The following TTN variants were observed in gnomAD, a reference collection of about 807,000 sequenced individuals.
The protein encoded by TTN is titin.
Under a neutral mutation model 3,223.0 loss-of-function variants are expected in TTN, and 1,525 were observed. The observed-to-expected ratio is 0.47, with a 90% CI of 0.45 to 0.49. The LOEUF is 0.49. Among genes scored for constraint, TTN ranks in the 20% least tolerant of loss-of-function variants. The probability of loss-of-function intolerance (pLI) is 0.00; values close to 1 mark genes in which losing one functional copy is unlikely to be tolerated. For synonymous variants in TTN, 14,094 were observed against 15,161.0 expected, an observed-to-expected ratio of 0.93 and a Z score of 5.17; for missense variants, 40,786 against 43,424.0, an observed-to-expected ratio of 0.94 and a Z score of 5.40.
Position 178,774,418 on chromosome 2 carries a change from A to C in TTN, c.6846T>G (p.Tyr2282Ter). ...ELQDIEVPES[Y>*]SGELECIVSP... ...ATACAATGCACTCTAATTCTCCTGAATATGATTCTGGAACTTCTATGTCCT... is the reference window on the plus strand; with the variant it reads ...ATACAATGCACTCTAATTCTCCTGACTATGATTCTGGAACTTCTATGTCCT... The change falls in exon 30 of 363, where the codon TAT (tyrosine) becomes TAG (stop). Residue 2282 changes from tyrosine (Y) to a stop codon, truncating the protein, a stop_gained. Transcript: ENST00000589042. LOFTEE classifies it high-confidence loss of function. 1 of 1,613,856 alleles carries C rather than the reference A, an allele frequency of 6.2e-7. No homozygotes were observed. Among genetic ancestry groups the C allele is most frequent in the Non-Finnish European group, 8.5e-7 (1 of 1,179,938 alleles).
At chr2:178,749,131 G>GTTCA in intron 47 of TTN, 3 of 1,612,706 alleles carry the variant, frequency 1.9e-6, no homozygotes, top group Non-Finnish European at 2.5e-6. Flanking sequence ...TTCTCTCAGA[G>GTTCA]TGAATATTTG....
chr2:178,694,057 C>G, intron 117 of TTN, 49 bp from the exon 118 acceptor site: 3 of 1,424,618 alleles, frequency 2.1e-6, no homozygotes, highest in Non-Finnish European at 2.9e-6. Context: ...TAGTACAAGA[C>G]ATCAGATCAA....
chr2:178,581,986 A>G lies in TTN; in HGVS notation c.66383T>C (p.Phe22128Ser), dbSNP rs2047881254. The change falls in exon 315 of 363, where the codon TTC (phenylalanine) becomes TCC (serine). Residue 22128 changes from phenylalanine to serine, a missense_variant. By Grantham distance (155) the Phe-to-Ser change is radical. Transcript: ENST00000589042. ...TGLQEGTEYE[F>S]RVTAINKAGP... ...AGCTTTATTTATAGCTGTAACACGG[A>G]ACTCATATTCGGTACCTTCTTGAAG... 1.2e-6 allele frequency: 2 copies of G among 1,613,256 alleles called. No homozygotes were observed. Among genetic ancestry groups the G allele is most frequent in the Non-Finnish European group, 1.7e-6 (2 of 1,179,498 alleles).
chr2:178,789,317 G>A, intron 13 of TTN, 43 bp downstream of exon 13: 3 of 1,609,136 alleles, frequency 1.9e-6, no homozygotes, highest in South Asian at 1.1e-5. Context: ...TGGTATTAAT[G>A]TATTATAATA....
At chr2:178,778,269 A>G in intron 24 of TTN, 2 of 388,366 alleles carry the variant, frequency 5.1e-6, no homozygotes, top group South Asian at 2.9e-5. Flanking sequence ...CTTGGATTTA[A>G]TCAGTCACTA....
rs772995909 is a variant in TTN at position 178,731,734 on chromosome 2, T to C, written c.17141A>G (p.Glu5714Gly). 1.2e-6 allele frequency: 2 copies of C among 1,613,616 alleles called. No individual in the cohort carries two copies. The highest frequency in any genetic ancestry group is 2.2e-5 in the East Asian group (1 of 44,854). The change falls in exon 58 of 363, where the codon GAG becomes GGG. Residue 5714 changes from glutamate (E) to glycine (G), a missense_variant. Glu to Gly is a moderately conservative substitution (Grantham distance 98). Coordinates refer to ENST00000589042, the MANE Select transcript of TTN (RefSeq NM_001267550.2). ...GGCACTGCAGATGCTGCTGCCCACC[T>C]CATTGGTCACCCGACACTGGTATTC... ...AGEYQCRVTN[E>G]VGSSICSARV... is the part of the protein sequence containing the mutation.
intron 89 of TTN, 83 bp from the exon 90 acceptor site, chr2:178,715,347 GAGAT>G (rs1217535226): frequency 1.3e-6 from 2 of 1,506,292 alleles, no homozygotes; most frequent in African/African-American, 2.8e-5. Flanking sequence ...CTCCATCAGA[GAGAT>G]AGAGAGTGAA....
intron 8 of TTN, 38 bp downstream of exon 8, chr2:178,794,361 G>T (rs112665402): frequency 6.2e-7 from 1 of 1,613,092 alleles, no homozygotes; most frequent in South Asian, 1.1e-5. Flanking sequence ...ACTGAAGGAC[G>T]TGGCTCTGCG....
intron 1 of TTN, among the ~76,000 whole-genome samples, chr2:178,804,924 G>T (rs1227685817): frequency 1.3e-5 from 2 of 152,134 alleles, no homozygotes; most frequent in Non-Finnish European, 2.9e-5. Flanking sequence ...GAACCCTAGT[G>T]GTCAAAGAGG....
chr2:178,703,719 CA>C (rs898500249), intron 106 of TTN, among the ~76,000 whole-genome samples: 1 of 152,120 alleles, frequency 6.6e-6, no homozygotes, highest in African/African-American at 2.4e-5. Flanking sequence ...TTGCACATGA[CA>C]TGTTTATGTT....
rs748412838 is a variant in TTN, at chr2:178,570,974, C to G, written c.75158G>C (p.Trp25053Ser). Residue 25053 changes from tryptophan (W) to serine (S), a missense_variant, in exon 326 of 363, where the codon TGG (tryptophan) becomes TCG (serine). Transcript: ENST00000589042. Reference sequence around the variant, plus strand: ...AATATTTGTAAAACTGGCTTTCATCCAACGGCCCTCAGGTAATTCTTTCTT... The same window carrying G: ...AATATTTGTAAAACTGGCTTTCATCGAACGGCCCTCAGGTAATTCTTTCTT... The part of the protein sequence containing the change: ...VEKKELPEGR[W>S]MKASFTNIID... 40 of 1,613,376 alleles carry G rather than the reference C, an allele frequency of 2.5e-5. No homozygotes were observed. Among genetic ancestry groups the G allele is most frequent in the Non-Finnish European group, 3.3e-5 (39 of 1,179,610 alleles).
Position 178,664,541 on chromosome 2 carries a change from T to C in TTN, c.36203-4A>G, listed in dbSNP as rs1318111228. 6.2e-7 allele frequency: 1 copy of C among 1,609,434 alleles called. No individual in the cohort carries two copies. Among genetic ancestry groups the C allele is most frequent in the Admixed American group, 1.7e-5 (1 of 59,444 alleles). The stretch of plus-strand genomic sequence containing the variant: ...ACTTCTCTGAGAGCCTCCGGCACTT[T>C]GAAGATATTAATAATTTTACATTTA... On this transcript the variant is annotated splice_region_variant and splice_polypyrimidine_tract_variant and intron_variant, in intron 167 of 362. Coordinates refer to ENST00000589042, the MANE Select transcript of TTN (RefSeq NM_001267550.2).
rs186018294 is a variant in TTN, at chr2:178,782,208, A to T, written c.3380+4T>A. The T allele has an allele frequency of 3.1e-6, 5 of 1,614,104 alleles. No homozygotes were observed. The highest frequency in any genetic ancestry group is 4.2e-6 in the Non-Finnish European group (5 of 1,179,970). On this transcript the variant is annotated splice_donor_region_variant and intron_variant, in intron 20 of 362. Coordinates refer to ENST00000589042, the MANE Select transcript of TTN (RefSeq NM_001267550.2). ...GAGAACTCTATATTCAGCCATCAAA[A>T]TACCTGTATCCAGTGGTTAGAGGAA...
Position 178,539,185 on chromosome 2 carries a change from G to A in TTN, c.98750C>T (p.Ser32917Phe), listed in dbSNP as rs561932256. Residue 32917 changes from serine (S) to phenylalanine (F), a missense_variant, in exon 353 of 363, where the codon TCC becomes TTC. Ser to Phe is a radical substitution (Grantham distance 155, BLOSUM62 -2). Transcript: ENST00000589042. Reference sequence around the variant, plus strand: ...ACCATCATCTTTGGGCCGGGACCAGGACAAGCTAACAGAACTCTTGGTTAC... The same window carrying A: ...ACCATCATCTTTGGGCCGGGACCAGAACAAGCTAACAGAACTCTTGGTTAC... ...LDVTKSSVSL[S>F]WSRPKDDGGS... 28 of 1,613,782 alleles carry A rather than the reference G, an allele frequency of 1.7e-5. No individual in the cohort carries two copies. In the African/African-American group the frequency reaches 1.9e-4, roughly 11 times the overall value.
chr2:178,696,335 A>C lies in TTN; in HGVS notation c.30803-66T>G, dbSNP rs2073703448. On this transcript the variant is annotated intron_variant, in intron 113 of 362. Transcript: ENST00000589042. ...CATCCAACTGCTTCACTAAACAAAAATCTACCTAGTTAAACAACATCAGTA... is the reference window on the plus strand; with the variant it reads ...CATCCAACTGCTTCACTAAACAAAACTCTACCTAGTTAAACAACATCAGTA... The C allele has an allele frequency of 2.3e-6, 3 of 1,307,970 alleles. No individual in the cohort carries two copies. The Admixed American group carries it at 9.2e-5, about 40-fold the overall frequency. 81.0% of individuals were successfully genotyped at this position (1,307,970 alleles called of 1,614,324 possible). A position where few individuals can be genotyped will look rare whatever the true frequency, so the allele number is the denominator to read the frequency against.
rs2056473624 is a variant in TTN, at chr2:178,612,267, A to G, written c.50248+10T>C. 2 of 1,611,492 alleles carry G rather than the reference A, an allele frequency of 1.2e-6. No individual in the cohort carries two copies. The highest frequency in any genetic ancestry group is 1.1e-5 in the South Asian group (1 of 90,722). On this transcript the variant is annotated intron_variant, in intron 266 of 362. Coordinates refer to ENST00000589042, the MANE Select transcript of TTN (RefSeq NM_001267550.2). ...ACTTATTGTCACAAAGATTAAGTGC[A>G]AGAGCATACTAAAGGTGTCTTTGGC... is the stretch of plus-strand genomic sequence containing the variant.
Position 178,539,263 on chromosome 2 carries a change from A to G in TTN, c.98684-12T>C, listed in dbSNP as rs752771741. ...AGGTTCTGGAGGATCTGTAAATATA[A>G]GTGGAAAGCACACATGTATTAGAAT... On this transcript the variant is annotated splice_polypyrimidine_tract_variant and intron_variant, in intron 352 of 362. Transcript: ENST00000589042. 23 of 1,611,250 alleles carry G rather than the reference A, an allele frequency of 1.4e-5. No individual in the cohort carries two copies. Among genetic ancestry groups the G allele is most frequent in the Middle Eastern group, 1.6e-4 (1 of 6,068 alleles).
chr2:178,535,672 C>G lies in TTN; in HGVS notation c.100943G>C (p.Arg33648Thr). 1.2e-6 allele frequency: 2 copies of G among 1,613,804 alleles called. No homozygotes were observed. Among genetic ancestry groups the G allele is most frequent in the Non-Finnish European group, 1.7e-6 (2 of 1,179,786 alleles). Residue 33648 changes from arginine (R) to threonine (T), a missense_variant, in exon 358 of 363, where the codon AGA (arginine) becomes ACA (threonine). By Grantham distance (71) the Arg-to-Thr change is moderately conservative. Transcript: ENST00000589042. ...GGGGAAAACAAGTGATGTGAAGGAT[C>G]TTGTGACAATAACTTGGTAGTGGCC... Reference protein sequence around the residue: ...NNGHYQVIVTRSFTSLVFPNG... With the variant: ...NNGHYQVIVTTSFTSLVFPNG...
In TTN at chr2:178,705,222, T is replaced by C. The variant is rs1306389058; in HGVS notation, c.29556A>G (p.Gln9852=). 6.2e-7 allele frequency: 1 copy of C among 1,613,788 alleles called. No homozygotes were observed. The highest frequency in any genetic ancestry group is 2.2e-5 in the East Asian group (1 of 44,862). ...YGITDFRGLL[Q]AFELLKQSQE... is the part of the protein sequence containing the mutation. ...GGCTTTGCTTGAGCAGTTCAAATGC[T>C]TGAAGAAGACCTCGGAAGTCAGTGA... Residue 9852 remains glutamine (Q), a synonymous_variant, in exon 103 of 363, where the codon CAA becomes CAG. Transcript: ENST00000589042.
Sources: gnomAD v4.1 joint callset for allele counts (sites outside exome capture counted in the v4.1 genomes callset) on GRCh38, gnomAD v4.1.1 for gene constraint, MANE v1.5 for transcripts, NCBI Gene and HGNC (gene_info 2026-07-23, HGNC 2026-07-21) for gene names.